ATAD2: variants seen among roughly 807,000 people sequenced by gnomAD.
ATAD2 encodes the protein ATPase family AAA domain-containing protein 2.
Under a neutral mutation model 168.9 loss-of-function variants are expected in ATAD2, and 62 were observed. That is an observed-to-expected ratio of 0.37 (90% CI 0.30 to 0.45). ATAD2 has a LOEUF of 0.45. Ranked by LOEUF, ATAD2 falls within the 20% of genes least tolerant of loss-of-function variation. The pLI, the probability that ATAD2 is intolerant of heterozygous loss-of-function variation, is 1.00. For missense variants in ATAD2, 1,419 were observed against 1,667.8 expected, an observed-to-expected ratio of 0.85 and a Z score of 2.60; for synonymous variants, 613 against 571.6, an observed-to-expected ratio of 1.07 and a Z score of -1.03.
At chr8:123,326,608 G>C (rs756391992) in intron 25 of ATAD2, among the ~76,000 whole-genome samples, 38 of 152,126 alleles carry the variant, frequency 2.5e-4, no homozygotes, top group Non-Finnish European at 4.4e-5. Context: ...AGCCGAGGAG[G>C]CAGAAGTTGC....
intron 20 of ATAD2, among the ~76,000 whole-genome samples, chr8:123,338,330 G>T (rs900710494): frequency 7.2e-5 from 11 of 151,742 alleles, no homozygotes; most frequent in African/African-American, 2.2e-4. Flanking sequence ...ACTCCAGCCT[G>T]GGTGACAGAG....
At chr8:123,390,344 C>T (rs561320337) in intron 1 of ATAD2, among the ~76,000 whole-genome samples, 5 of 151,986 alleles carry the variant, frequency 3.3e-5, no homozygotes, top group Non-Finnish European at 7.4e-5. Flanking sequence ...ATAATCCATC[C>T]GAAACACTGT....
Position 123,346,868 on chromosome 8 carries a change from G to C in ATAD2, c.2213-118C>G, listed in dbSNP as rs979472029. On this transcript the variant is annotated intron_variant, in intron 16 of 27. Transcript: ENST00000287394. Reference sequence around the variant, plus strand: ...TTTTTTCAAAGAATCAAAAATATTTGTGTAGATATGAATTAATAAGTAAAT... The same window carrying C: ...TTTTTTCAAAGAATCAAAAATATTTCTGTAGATATGAATTAATAAGTAAAT... The C allele has an allele frequency of 7.5e-6, 9 of 1,203,042 alleles. No individual in the cohort carries two copies. The African/African-American group carries it at 1.2e-4, about 17-fold the overall frequency. The allele number at this position is 1,203,042 out of a possible 1,614,324, so 74.5% of individuals were successfully genotyped here. A position where few individuals can be genotyped will look rare whatever the true frequency, so the allele number is the denominator to read the frequency against.
At chr8:123,381,449 C>T (rs969473444) in intron 1 of ATAD2, among the ~76,000 whole-genome samples, 5 of 151,812 alleles carry the variant, frequency 3.3e-5, no homozygotes, top group South Asian at 4.2e-4. Flanking sequence ...TGCAGTGACC[C>T]GTGATCGCGC....
At position 123,333,560 on chromosome 8, in the gene ATAD2, G is replaced by A. The variant is rs1458611701; in HGVS notation, c.3478+318C>T. On this transcript the variant is annotated intron_variant, in intron 24 of 27. Transcript: ENST00000287394. ...AATTAGAAGTCTGCCAAGGAAGGCA[G>A]GCCTTAGAAAACCCTACAGGCTTTG... Among the ~76,000 whole-genome samples, 3 of 152,186 alleles carry A rather than the reference G, an allele frequency of 2.0e-5. No homozygotes were observed. In the East Asian group the frequency reaches 5.8e-4, roughly 29 times the overall value.
chr8:123,364,014 A>C (rs1238561578), intron 8 of ATAD2, among the ~76,000 whole-genome samples: 1 of 152,192 alleles, frequency 6.6e-6, no homozygotes, highest in Non-Finnish European at 1.5e-5. Flanking sequence ...GCAAACAATA[A>C]CACAACCTGT....
chr8:123,379,036 G>T (rs553936456), intron 2 of ATAD2, among the ~76,000 whole-genome samples: 46 of 152,090 alleles, frequency 3.0e-4, no homozygotes, highest in African/African-American at 1.0e-3. Flanking sequence ...CGACCGAAGT[G>T]ATCCTTCTGC....
intron 1 of ATAD2, among the ~76,000 whole-genome samples, chr8:123,390,378 C>T (rs895179542): frequency 6.6e-6 from 1 of 152,116 alleles, no homozygotes; most frequent in Non-Finnish European, 1.5e-5. Context: ...TGTTCTAGCT[C>T]TTCACTGTCT....
At chr8:123,364,287 G>A (rs187850107) in intron 8 of ATAD2, among the ~76,000 whole-genome samples, 1 of 152,104 alleles carries the variant, frequency 6.6e-6, no homozygotes, top group Admixed American at 6.5e-5. Flanking sequence ...TGAGCTCCAA[G>A]CCTAGACAGT....
intron 8 of ATAD2, among the ~76,000 whole-genome samples, chr8:123,361,899 G>A (rs1724531890): frequency 1.3e-5 from 2 of 152,196 alleles, no homozygotes; most frequent in South Asian, 4.1e-4. Flanking sequence ...GACAGGAGAA[G>A]GCAGGGTGAC....
intron 7 of ATAD2, 176 bp from the exon 8 acceptor site, chr8:123,369,351 T>C (rs188575875): frequency 3.5e-5 from 8 of 225,708 alleles, no homozygotes; most frequent in Non-Finnish European, 4.9e-5. Flanking sequence ...TTAAGTCATT[T>C]ATGTCCAGAG....
intron 1 of ATAD2, among the ~76,000 whole-genome samples, chr8:123,409,217 G>A (rs1412455033): frequency 3.9e-5 from 6 of 152,054 alleles, no homozygotes; most frequent in Non-Finnish European, 5.9e-5. Context: ...CCCATGTAAG[G>A]TATGGTACAC....
Position 123,359,644 on chromosome 8 carries a change from A to G in ATAD2, c.1199T>C (p.Ile400Thr). The G allele has an allele frequency of 1.2e-6, 2 of 1,613,236 alleles. No homozygotes were observed. Among genetic ancestry groups the G allele is most frequent in the South Asian group, 1.1e-5 (1 of 90,724 alleles). Residue 400 changes from isoleucine to threonine, a missense_variant, in exon 10 of 28, where the codon ATT becomes ACT. Ile to Thr is a moderately conservative substitution (Grantham distance 89). Transcript: ENST00000287394. ...TCCAATTTTCATTCGATCTTTATAA[A>G]TGCCTTTTAATTCATCTTTCCGAAA... is the stretch of plus-strand genomic sequence containing the variant. ...LNFRKDELKG[I>T]YKDRMKIGAS...
chr8:123,349,532 C>T (rs973922212), intron 13 of ATAD2, 88 bp from the exon 14 acceptor site: 17 of 1,305,640 alleles, frequency 1.3e-5, no homozygotes, highest in African/African-American at 7.5e-5. Flanking sequence ...TAAGATTTAA[C>T]GCATTACATG....
intron 24 of ATAD2, among the ~76,000 whole-genome samples, chr8:123,329,775 A>T (rs7814581): frequency 0.075 from 9,647 of 129,204 alleles, 1,765 homozygotes; most frequent in African/African-American, 0.24. Flanking sequence ...AAAAAAAAAA[A>T]TTTTTCACTT....
rs1829159107 is a variant in ATAD2, at chr8:123,371,846, G to A, written c.371-11C>T. 2 of 1,560,556 alleles carry A rather than the reference G, an allele frequency of 1.3e-6. No homozygotes were observed. The highest frequency in any genetic ancestry group is 1.7e-6 in the Non-Finnish European group (2 of 1,157,806). ...CTGGAATCACTTTGTCTTCACAAAT[G>A]CATACATAAAAATAAATAGAAACAT... On this transcript the variant is annotated splice_polypyrimidine_tract_variant and intron_variant, in intron 3 of 27. Coordinates refer to ENST00000287394, the MANE Select transcript of ATAD2 (RefSeq NM_014109.4).
intron 2 of ATAD2, among the ~76,000 whole-genome samples, chr8:123,376,578 C>G (rs192010934): frequency 8.5e-5 from 13 of 152,058 alleles, no homozygotes; most frequent in African/African-American, 3.1e-4. Context: ...CACACACACA[C>G]ACACTAAAAC....
intron 19 of ATAD2, 81 bp downstream of exon 19, chr8:123,344,803 G>C (rs1365120682): frequency 6.8e-7 from 1 of 1,461,654 alleles, no homozygotes. Flanking sequence ...TACAGCATTT[G>C]AATTTTTTCA....
intron 13 of ATAD2, among the ~76,000 whole-genome samples, chr8:123,351,945 T>G (rs1828479002): frequency 6.6e-6 from 1 of 152,144 alleles, no homozygotes; most frequent in South Asian, 2.1e-4. Flanking sequence ...AGATGGGGTT[T>G]CACCGTGTTA....
Sources: gnomAD v4.1 joint callset for allele counts (sites outside exome capture counted in the v4.1 genomes callset) on GRCh38, gnomAD v4.1.1 for gene constraint, MANE v1.5 for transcripts, NCBI Gene and HGNC (gene_info 2026-07-23, HGNC 2026-07-21) for gene names.